PPARGC1A: variants seen among roughly 807,000 people sequenced by gnomAD.
The protein encoded by PPARGC1A is peroxisome proliferator-activated receptor gamma coactivator 1-alpha.
PPARGC1A carries 25 observed loss-of-function variants against 88.7 expected under a neutral mutation model. The observed-to-expected ratio is 0.28, with a 90% CI of 0.21 to 0.39. The LOEUF (loss-of-function observed/expected upper bound fraction) is 0.39. PPARGC1A is among the 10% of genes least tolerant of loss of function. The probability of loss-of-function intolerance (pLI) is 1.00; values close to 1 mark genes in which losing one functional copy is unlikely to be tolerated. For missense variants in PPARGC1A, 880 were observed against 968.7 expected (o/e 0.91, Z 1.22); for synonymous variants, 363 against 355.6 (o/e 1.02, Z -0.24).
the PPARGC1A span, among the ~76,000 whole-genome samples, chr4:24,060,727 T>C: frequency 6.6e-6 from 1 of 152,190 alleles, no homozygotes; most frequent in African/African-American, 2.4e-5. Flanking sequence ...TCTTTCTTTG[T>C]GCTAGGTGAA....
At chr4:24,016,900 C>T in the PPARGC1A span, among the ~76,000 whole-genome samples, 17 of 152,116 alleles carry the variant, frequency 1.1e-4, no homozygotes, top group East Asian at 3.1e-3. Context: ...CATCTTGGGT[C>T]GAGTCATAGG....
At chr4:23,994,702 C>T in the PPARGC1A span, among the ~76,000 whole-genome samples, 1 of 152,006 alleles carries the variant, frequency 6.6e-6, no homozygotes, top group Admixed American at 6.6e-5. Flanking sequence ...GCAGGGAAAA[C>T]AAATGCATAA....
intron 1 of PPARGC1A, among the ~76,000 whole-genome samples, chr4:23,895,968 GTGTGTGTGTGTGTATATA>G (rs748893999): frequency 0.048 from 2,286 of 47,562 alleles, 41 homozygotes; most frequent in African/African-American, 0.15. Flanking sequence ...GTGTGTGTGT[GTGTGTGTGTGTGTATATA>G]TATATACACA....
intron 2 of PPARGC1A, among the ~76,000 whole-genome samples, chr4:23,874,667 T>G (rs530166962): frequency 1.3e-4 from 20 of 152,260 alleles, no homozygotes; most frequent in Non-Finnish European, 1.5e-5. Flanking sequence ...TCATGTCAGG[T>G]GAATGTTGGC....
the PPARGC1A span, among the ~76,000 whole-genome samples, chr4:24,459,463 A>G: frequency 6.6e-6 from 1 of 152,158 alleles, no homozygotes; most frequent in East Asian, 1.9e-4. Context: ...AATGAAAAAA[A>G]AAAAAACTCA....
At chr4:23,813,261 C>A in intron 8 of PPARGC1A, 136 bp from the exon 9 acceptor site, 1 of 739,858 alleles carries the variant, frequency 1.4e-6, no homozygotes, top group Non-Finnish European at 2.3e-6. Context: ...GGAGATTTCC[C>A]AGTGACAGTT....
chr4:24,341,079 C>T, the PPARGC1A span, among the ~76,000 whole-genome samples: 2 of 152,118 alleles, frequency 1.3e-5, no homozygotes, highest in East Asian at 1.9e-4. Context: ...GATTAAAGAA[C>T]ATGACAAAAA....
the PPARGC1A span, among the ~76,000 whole-genome samples, chr4:24,095,787 C>A: frequency 6.6e-6 from 1 of 152,172 alleles, no homozygotes; most frequent in African/African-American, 2.4e-5. Flanking sequence ...GGCTGCTTCT[C>A]TGGAGGGTAG....
At chr4:24,407,850 C>T in the PPARGC1A span, among the ~76,000 whole-genome samples, 1 of 152,120 alleles carries the variant, frequency 6.6e-6, no homozygotes, top group Non-Finnish European at 1.5e-5. Flanking sequence ...AGTTAGCACA[C>T]AGTAAATGCA....
chr4:24,354,893 A>AAAAC, the PPARGC1A span, among the ~76,000 whole-genome samples: 57,550 of 151,508 alleles, frequency 0.38, 11,219 homozygotes, highest in Non-Finnish European at 0.4. Context: ...AAAAAAAACA[A>AAAAC]AAACAAACAA....
chr4:24,310,780 A>G, the PPARGC1A span, among the ~76,000 whole-genome samples: 1 of 152,226 alleles, frequency 6.6e-6, no homozygotes, highest in African/African-American at 2.4e-5. Flanking sequence ...AATTCACAAT[A>G]TCTGAGATAC....
the PPARGC1A span, among the ~76,000 whole-genome samples, chr4:23,956,810 C>T: frequency 6.6e-6 from 1 of 152,064 alleles, no homozygotes; most frequent in African/African-American, 2.4e-5. Context: ...CCAAGCTTGC[C>T]AATTTTGTCT....
the PPARGC1A span, among the ~76,000 whole-genome samples, chr4:24,156,210 T>C: frequency 2.6e-5 from 4 of 152,184 alleles, no homozygotes; most frequent in Non-Finnish European, 5.9e-5. Flanking sequence ...TATTTTGGGA[T>C]ATATAACACA....
At chr4:24,021,635 T>C in the PPARGC1A span, among the ~76,000 whole-genome samples, 1 of 152,206 alleles carries the variant, frequency 6.6e-6, no homozygotes, top group African/African-American at 2.4e-5. Flanking sequence ...GGCTGCTCTA[T>C]TTACAAGCTA....
the PPARGC1A span, among the ~76,000 whole-genome samples, chr4:24,000,847 A>G: frequency 2.0e-5 from 3 of 152,216 alleles, no homozygotes; most frequent in Non-Finnish European, 2.9e-5. Flanking sequence ...CTTTTCTGAT[A>G]ATCTGATCCT....
At chr4:23,867,792 C>A (rs57356090) in intron 2 of PPARGC1A, among the ~76,000 whole-genome samples, 1 of 152,168 alleles carries the variant, frequency 6.6e-6, no homozygotes, top group Non-Finnish European at 1.5e-5. Context: ...AAGGCAACTG[C>A]GATACAAGTA....
chr4:24,242,648 C>T, the PPARGC1A span, among the ~76,000 whole-genome samples: 2 of 152,164 alleles, frequency 1.3e-5, no homozygotes, highest in Non-Finnish European at 2.9e-5. Flanking sequence ...ATGTCATCTT[C>T]ACCCCCTAAA....
the PPARGC1A span, among the ~76,000 whole-genome samples, chr4:23,941,464 G>A: frequency 1.4e-4 from 21 of 152,200 alleles, no homozygotes; most frequent in East Asian, 9.7e-4. Context: ...TGTCAGACTC[G>A]ATCAGATGGG....
At chr4:23,819,606 T>C (rs1007241508) in intron 7 of PPARGC1A, among the ~76,000 whole-genome samples, 2 of 152,132 alleles carry the variant, frequency 1.3e-5, no homozygotes, top group African/African-American at 2.4e-5. Flanking sequence ...TTTGCTATCC[T>C]TGGCTTACAA....
Sources: gnomAD v4.1 joint callset for allele counts (sites outside exome capture counted in the v4.1 genomes callset) on GRCh38, gnomAD v4.1.1 for gene constraint, MANE v1.5 for transcripts, NCBI Gene and HGNC (gene_info 2026-07-23, HGNC 2026-07-21) for gene names.